BRD4: variants seen among roughly 807,000 people sequenced by gnomAD.
The protein encoded by BRD4 is bromodomain-containing protein 4.
A neutral mutation model predicts 142.1 loss-of-function variants in BRD4; 16 were observed. That is an observed-to-expected ratio of 0.11 (90% CI 0.08 to 0.17). BRD4 has a LOEUF of 0.17. BRD4 is among the 10% of genes least tolerant of loss of function. The pLI is 1.00. For missense variants in BRD4, 1,424 were observed against 1,810.9 expected (o/e 0.79, Z 3.88); for synonymous variants, 833 against 707.5 (o/e 1.18, Z -2.82).
intron 1 of BRD4, among the ~76,000 whole-genome samples, chr19:15,284,777 C>G (rs8111848): frequency 0.011 from 1,717 of 152,274 alleles, 20 homozygotes; most frequent in African/African-American, 0.039. Flanking sequence ...TATAAAGGAG[C>G]AGAATAAAAT....
At chr19:15,244,027 T>C (rs2047262244) in intron 13 of BRD4, among the ~76,000 whole-genome samples, 4 of 152,194 alleles carry the variant, frequency 2.6e-5, no homozygotes. Context: ...ATCTTCTGAA[T>C]CAACGTGTTA....
chr19:15,285,585 A>G (rs2047733905), intron 1 of BRD4, among the ~76,000 whole-genome samples: 1 of 152,182 alleles, frequency 6.6e-6, no homozygotes. Context: ...AAAAAAATCT[A>G]AGGATGTAGA....
Position 15,238,730 on chromosome 19 carries a change from C to G in BRD4, c.4020+13G>C. ...TCCTTAGACCAGGGTCCCCACCAGGCCTCCAGACTCACGGCTTCCCGGCGT... is the reference window on the plus strand; with the variant it reads ...TCCTTAGACCAGGGTCCCCACCAGGGCTCCAGACTCACGGCTTCCCGGCGT... On this transcript the variant is annotated intron_variant, in intron 19 of 19. Transcript: ENST00000679869. The surrounding 1 kb of genome is among the most constrained non-coding windows in gnomAD (Gnocchi z 7.2). 1 of 1,518,622 alleles carries G rather than the reference C, an allele frequency of 6.6e-7. No individual in the cohort carries two copies. The highest frequency in any genetic ancestry group is 8.8e-7 in the Non-Finnish European group (1 of 1,131,358). 94.1% of individuals were successfully genotyped at this position (1,518,622 alleles called of 1,614,324 possible). A position where few individuals can be genotyped will look rare whatever the true frequency, so the allele number is the denominator to read the frequency against.
chr19:15,251,367 C>A (rs865922564), intron 11 of BRD4, among the ~76,000 whole-genome samples: 11 of 139,730 alleles, frequency 7.9e-5, no homozygotes, highest in Non-Finnish European at 7.5e-5. Context: ...GCGGAACTAA[C>A]CCCGTAGTAT....
chr19:15,324,461 G>A (rs1057344586), intron 1 of BRD4, among the ~76,000 whole-genome samples: 12 of 152,198 alleles, frequency 7.9e-5, no homozygotes, highest in African/African-American at 1.7e-4. Context: ...AAAGTCGATC[G>A]GCAGTATGCC....
At chr19:15,312,909 C>T (rs1226313232) in intron 1 of BRD4, among the ~76,000 whole-genome samples, 1 of 152,128 alleles carries the variant, frequency 6.6e-6, no homozygotes, top group African/African-American at 2.4e-5. Context: ...GCACTCCAGC[C>T]TGGGTGACAG....
chr19:15,309,803 T>C (rs943892537), intron 1 of BRD4, among the ~76,000 whole-genome samples: 5 of 152,146 alleles, frequency 3.3e-5, no homozygotes, highest in African/African-American at 4.8e-5. Flanking sequence ...TGAGGCTCCA[T>C]GCTGCCCTTC....
chr19:15,277,266 A>C (rs1224501569), intron 1 of BRD4, among the ~76,000 whole-genome samples: 1 of 152,208 alleles, frequency 6.6e-6, no homozygotes, highest in Non-Finnish European at 1.5e-5. Flanking sequence ...CTTCCAACAG[A>C]AACCCTATAT....
chr19:15,264,130 GC>G (rs1599463091), intron 6 of BRD4: 1 of 401,202 alleles, frequency 2.5e-6, no homozygotes, highest in East Asian at 4.2e-5. Flanking sequence ...GGGGCACTGG[GC>G]CCCCAAGGCC....
intron 1 of BRD4, among the ~76,000 whole-genome samples, chr19:15,315,734 T>C (rs2048011605): frequency 6.6e-6 from 1 of 151,984 alleles, no homozygotes; most frequent in South Asian, 2.1e-4. Flanking sequence ...CCGGCGCCTG[T>C]AGTCCCAGCT....
intron 14 of BRD4, among the ~76,000 whole-genome samples, chr19:15,242,599 C>G (rs1251426501): frequency 1.3e-5 from 2 of 152,128 alleles, no homozygotes; most frequent in African/African-American, 4.8e-5. Context: ...CATCAGGTAC[C>G]TCCCCTGGGC....
chr19:15,275,451 G>C (rs1218607933), intron 1 of BRD4, among the ~76,000 whole-genome samples: 1 of 152,150 alleles, frequency 6.6e-6, no homozygotes, highest in Non-Finnish European at 1.5e-5. Flanking sequence ...CCTGGCATCT[G>C]ATTCCTGGGC....
intron 1 of BRD4, among the ~76,000 whole-genome samples, chr19:15,276,787 C>T (rs1163218719): frequency 6.6e-6 from 1 of 152,190 alleles, no homozygotes; most frequent in Non-Finnish European, 1.5e-5. Context: ...TCCTAACATG[C>T]CTTGCCCTAG....
At chr19:15,301,754 A>G (rs936902831) in intron 1 of BRD4, among the ~76,000 whole-genome samples, 7 of 150,468 alleles carry the variant, frequency 4.7e-5, no homozygotes, top group African/African-American at 1.7e-4. Flanking sequence ...CCAGCTACTC[A>G]GGAGGCTGAG....
In BRD4 at chr19:15,268,974, A is replaced by G; in HGVS notation, c.354T>C (p.Tyr118=). Residue 118 remains tyrosine (Y), a synonymous_variant, in exon 3 of 20, where the codon TAT becomes TAC. Transcript: ENST00000679869. ...GGATACATTCCTGAGCATTCCAGTA[A>G]TAGTTGTTTTCCAAGCGCTTCTTTA... ...GTIKKRLENN[Y]YWNAQECIQD... is the part of the protein sequence containing the mutation. The G allele has an allele frequency of 1.2e-6, 2 of 1,614,182 alleles. No homozygotes were observed. The highest frequency in any genetic ancestry group is 8.5e-7 in the Non-Finnish European group (1 of 1,180,010).
In BRD4 at chr19:15,278,543, C is replaced by CA. The variant is rs1235423521; in HGVS notation, c.-34-5411dup. Among the ~76,000 whole-genome samples, 601 of 74,798 alleles carry CA rather than the reference C, an allele frequency of 8.0e-3. 6 individuals carry two copies. Among genetic ancestry groups the CA allele is most frequent in the Non-Finnish European group, 8.6e-3 (356 of 41,224 alleles). The allele number at this position is 74,798 out of a possible 152,430, so 49.1% of individuals were successfully genotyped here. ...AAGCAAGACTCTGCCCAACCCCCGC[C>CA]AAAAAAAAAAAAAAAAAAAAAGAAA... On this transcript the variant is annotated intron_variant, in intron 1 of 19. Transcript: ENST00000679869.
Position 15,257,113 on chromosome 19 carries a change from C to T in BRD4, c.1402G>A (p.Val468Met), listed in dbSNP as rs201081104. Residue 468 changes from valine to methionine, a missense_variant, in exon 8 of 20, where the codon GTG (valine) becomes ATG (methionine). By Grantham distance (21) the Val-to-Met change is conservative (BLOSUM62 1). This residue lies in a region of BRD4 where 90 missense variants were observed against 93.2 expected (regional missense o/e 0.97). Coordinates refer to ENST00000679869, the MANE Select transcript of BRD4 (RefSeq NM_001379291.1). ...PDEPEEPVVA[V>M]SSPAVPPPTK... is the part of the protein sequence containing the mutation. ...GGAGGGGGCACTGCCGGGGAGGACA[C>T]GGCCACCACTGGCTCCTCAGGCTCG... The T allele has an allele frequency of 1.9e-5, 30 of 1,609,004 alleles. No individual in the cohort carries two copies. Among genetic ancestry groups the T allele is most frequent in the Admixed American group, 1.3e-4 (8 of 59,864 alleles).
chr19:15,258,245 C>T (rs1293285193), intron 7 of BRD4, among the ~76,000 whole-genome samples: 3 of 152,220 alleles, frequency 2.0e-5, no homozygotes, highest in African/African-American at 7.2e-5. Flanking sequence ...TCCTCTCCCA[C>T]GCTGCTGGAG....
chr19:15,313,144 G>A (rs938492184), intron 1 of BRD4, among the ~76,000 whole-genome samples: 1 of 151,940 alleles, frequency 6.6e-6, no homozygotes, highest in Non-Finnish European at 1.5e-5. Flanking sequence ...GGCTGAGGCG[G>A]GCGGATCACG....
Sources: allele counts gnomAD v4.1 joint callset (sites outside exome capture counted in the v4.1 genomes callset), GRCh38; gene constraint gnomAD v4.1.1; regional missense constraint gnomAD v4.1.1; non-coding constraint Gnocchi (gnomAD v3.1); transcripts MANE v1.5; gene names NCBI Gene and HGNC (gene_info 2026-07-23, HGNC 2026-07-21).